The following GFAP variants were observed in gnomAD, a reference collection of about 807,000 sequenced individuals.
The protein encoded by GFAP is glial fibrillary acidic protein.
GFAP carries 38 observed loss-of-function variants against 49.3 expected under a neutral mutation model. That is an observed-to-expected ratio of 0.77 (90% CI 0.60 to 1.01). GFAP has a LOEUF of 1.01. Among genes scored for constraint, GFAP ranks in the 50% least tolerant of loss-of-function variants. The pLI, the probability that GFAP is intolerant of heterozygous loss-of-function variation, is 0.00. For missense variants in GFAP, 463 were observed against 579.1 expected, an observed-to-expected ratio of 0.80 and a Z score of 2.06; for synonymous variants, 222 against 236.4, an observed-to-expected ratio of 0.94 and a Z score of 0.56.
intron 1 of GFAP, chr17:44,914,442 G>A (rs893710464): frequency 2.3e-5 from 7 of 299,958 alleles, no homozygotes; most frequent in South Asian, 1.7e-4. Context: ...TCAGTGAAGC[G>A]CCATGCCCCT....
At position 44,903,273 on chromosome 17, in the gene GFAP, ATAC is replaced by A; in HGVS notation, c.*4071_*4073del. ...GGACATGTAATCAACAAATGATCAA[ATAC>A]TACATCATTTGAGGTGTTGAATTTT... is the stretch of plus-strand genomic sequence containing the variant. On this transcript the variant is annotated 3_prime_UTR_variant, in exon 9 of 9. Coordinates refer to ENST00000588735, the MANE Select transcript of GFAP (RefSeq NM_002055.5). The A allele has an allele frequency of 2.4e-6, 3 of 1,249,128 alleles. No individual in the cohort carries two copies. 77.4% of individuals were successfully genotyped at this position (1,249,128 alleles called of 1,614,324 possible).
At position 44,907,087 on chromosome 17, in the gene GFAP, C is replaced by T. The variant is rs1361186109; in HGVS notation, c.*260G>A. On this transcript the variant is annotated 3_prime_UTR_variant, in exon 9 of 9. Coordinates refer to ENST00000588735, the MANE Select transcript of GFAP (RefSeq NM_002055.5). ...CCTCATTCTAACGCAAGCTGCTGGC[C>T]ATGCCCCTCCAGACTGCCCCTTGGG... The T allele has an allele frequency of 3.5e-6, 2 of 574,096 alleles. No individual in the cohort carries two copies. The highest frequency in any genetic ancestry group is 5.8e-5 in the East Asian group (2 of 34,200). 35.6% of individuals were successfully genotyped at this position (574,096 alleles called of 1,614,324 possible).
chr17:44,913,324 T>A lies in GFAP; in HGVS notation c.725A>T (p.Tyr242Phe). The A allele has an allele frequency of 6.2e-7, 1 of 1,614,202 alleles. No individual in the cohort carries two copies. Among genetic ancestry groups the A allele is most frequent in the Non-Finnish European group, 8.5e-7 (1 of 1,180,016 alleles). ...TAALKEIRTQ[Y>F]EAMASSNMHE... ...CATGTTGCTGGACGCCATTGCCTCA[T>A]ACTGCGTGCGGATCTCTTTCAGGGC... is the stretch of plus-strand genomic sequence containing the variant. Residue 242 changes from tyrosine to phenylalanine, a missense_variant, in exon 4 of 9, where the codon TAT becomes TTT. Coordinates refer to ENST00000588735, the MANE Select transcript of GFAP (RefSeq NM_002055.5).
rs12937256 is a variant in GFAP, at chr17:44,904,131, C to T, written c.*3216G>A. 0.11 allele frequency: 178,039 copies of T among 1,550,342 alleles called. 10,821 individuals carry two copies. Among genetic ancestry groups the T allele is most frequent in the East Asian group, 0.21 (8,771 of 40,902 alleles). On this transcript the variant is annotated 3_prime_UTR_variant, in exon 9 of 9. Transcript: ENST00000588735. ...GTACGTGTGGGCAGCGACATGCTGA[C>T]CCGCTTCAGCATCCGCATGTTCAGC...
rs1421576880 is a variant in GFAP at position 44,911,285 on chromosome 17, C to A, written c.1078G>T (p.Asp360Tyr). The A allele has an allele frequency of 6.2e-7, 1 of 1,614,076 alleles. No individual in the cohort carries two copies. The highest frequency in any genetic ancestry group is 8.5e-7 in the Non-Finnish European group (1 of 1,180,044). ...TTCCTGTAGGTGGCGATCTCGATGT[C>A]CAGGGCCAGCTTGACATTGAGCAGG... is the stretch of plus-strand genomic sequence containing the variant. ...QDLLNVKLAL[D>Y]IEIATYRKLL... The change falls in exon 6 of 9, where the codon GAC becomes TAC. Residue 360 changes from aspartate to tyrosine, a missense_variant. Coordinates refer to ENST00000588735, the MANE Select transcript of GFAP (RefSeq NM_002055.5).
intron 3 of GFAP, 128 bp from the exon 4 acceptor site, chr17:44,913,558 T>C (rs4514714): frequency 9.0e-7 from 1 of 1,113,640 alleles, no homozygotes; most frequent in East Asian, 2.4e-5. Context: ...TCTCTTTCCG[T>C]CTCCCTTAGT....
chr17:44,913,357 AG>A lies in GFAP; in HGVS notation c.691del (p.Leu231SerfsTer5). ...HVELDVAKPD[L>X]TAALKEIRTQ... is the part of the protein sequence containing the mutation. ...GCGGATCTCTTTCAGGGCTGCGGTG[AG>A]GTCTGGCTTGGCCACGTCAAGCTCC... On this transcript the variant is annotated frameshift_variant, in exon 4 of 9. Coordinates refer to ENST00000588735, the MANE Select transcript of GFAP (RefSeq NM_002055.5). LOFTEE classifies it high-confidence loss of function. The A allele has an allele frequency of 6.2e-7, 1 of 1,614,118 alleles. No homozygotes were observed. Among genetic ancestry groups the A allele is most frequent in the Non-Finnish European group, 8.5e-7 (1 of 1,179,996 alleles).
Position 44,908,211 on chromosome 17 carries a change from T to C in GFAP, c.1172-62A>G, listed in dbSNP as rs1264844109. 3.4e-6 allele frequency: 4 copies of C among 1,175,632 alleles called. No individual in the cohort carries two copies. The Admixed American group carries it at 5.1e-5, about 15-fold the overall frequency. 72.8% of individuals were successfully genotyped at this position (1,175,632 alleles called of 1,614,324 possible). A position where few individuals can be genotyped will look rare whatever the true frequency, so the allele number is the denominator to read the frequency against. ...TCAGGGCATGAGCCATCCTCTCCCA[T>C]GCCCGGCTTCCCCATCGCACCCCCC... On this transcript the variant is annotated intron_variant, in intron 7 of 8. Coordinates refer to ENST00000588735, the MANE Select transcript of GFAP (RefSeq NM_002055.5).
chr17:44,903,500 C>A lies in GFAP; in HGVS notation c.*3847G>T. 1.6e-6 allele frequency: 2 copies of A among 1,276,474 alleles called. No individual in the cohort carries two copies. The highest frequency in any genetic ancestry group is 2.0e-6 in the Non-Finnish European group (2 of 1,014,594). 79.1% of individuals were successfully genotyped at this position (1,276,474 alleles called of 1,614,324 possible). ...GGCAGAGATCTCCCTGCCCGAGCAC[C>A]TCGGCCCGCCCTTCTCATTCCGGTT... On this transcript the variant is annotated 3_prime_UTR_variant, in exon 9 of 9. Transcript: ENST00000588735.
At position 44,904,638 on chromosome 17, in the gene GFAP, C is replaced by T. The variant is rs1371474014; in HGVS notation, c.*2709G>A. ...AAAGTGGGCAGCCGGCCCTGGGTGC[C>T]CCAGGTGCCCATTCAGTTCCACCAG... On this transcript the variant is annotated 3_prime_UTR_variant, in exon 9 of 9. Coordinates refer to ENST00000588735, the MANE Select transcript of GFAP (RefSeq NM_002055.5). 1.3e-6 allele frequency: 2 copies of T among 1,550,530 alleles called. No individual in the cohort carries two copies. The highest frequency in any genetic ancestry group is 2.0e-5 in the Admixed American group (1 of 50,998).
Position 44,904,875 on chromosome 17 carries a change from G to A in GFAP, c.*2472C>T. On this transcript the variant is annotated 3_prime_UTR_variant, in exon 9 of 9. Coordinates refer to ENST00000588735, the MANE Select transcript of GFAP (RefSeq NM_002055.5). ...GGCATCTACTATTGCTGGAGGCAGG[G>A]TGTGCTAGTTGCTGGCTTCCGGCTG... 1 of 1,550,650 alleles carries A rather than the reference G, an allele frequency of 6.4e-7. No homozygotes were observed. The highest frequency in any genetic ancestry group is 8.7e-7 in the Non-Finnish European group (1 of 1,146,994).
Position 44,904,797 on chromosome 17 carries a change from T to C in GFAP, c.*2550A>G. 1 of 1,550,646 alleles carries C rather than the reference T, an allele frequency of 6.4e-7. No individual in the cohort carries two copies. Among genetic ancestry groups the C allele is most frequent in the African/African-American group, 1.4e-5 (1 of 73,154 alleles). On this transcript the variant is annotated 3_prime_UTR_variant, in exon 9 of 9. Transcript: ENST00000588735. Reference sequence around the variant, plus strand: ...GGTGTCAACAGGTCCATGAGGGTGTTCATTGACCACGGCAACCAGCTCCAC... The same window carrying C: ...GGTGTCAACAGGTCCATGAGGGTGTCCATTGACCACGGCAACCAGCTCCAC...
rs1383096607 is a variant in GFAP, at chr17:44,904,153, C to T, written c.*3194G>A. The stretch of plus-strand genomic sequence containing the variant: ...TGACCCGCTTCAGCATCCGCATGTT[C>T]AGCTTGTTGGTTTTCAGGGCTCAGT... On this transcript the variant is annotated 3_prime_UTR_variant, in exon 9 of 9. Transcript: ENST00000588735. The T allele has an allele frequency of 1.3e-6, 2 of 1,550,262 alleles. No homozygotes were observed. Among genetic ancestry groups the T allele is most frequent in the South Asian group, 2.4e-5 (2 of 84,016 alleles).
intron 7 of GFAP, 198 bp from the exon 8 acceptor site, chr17:44,908,347 T>C: frequency 1.8e-6 from 1 of 547,652 alleles, no homozygotes; most frequent in South Asian, 2.4e-5. Context: ...GAGTCCTGGC[T>C]GCTCTGTCTT....
In GFAP at chr17:44,915,253, G is replaced by A; in HGVS notation, c.234C>T (p.Asp78=). Residue 78 remains aspartate, a synonymous_variant, in exon 1 of 9, where the codon GAC becomes GAT. Coordinates refer to ENST00000588735, the MANE Select transcript of GFAP (RefSeq NM_002055.5). This position sits in a 1 kb window ranked among gnomAD's most constrained non-coding sequence, Gnocchi z 4.1. ...CCTTCTCGATGTAGCTGGCAAAGCG[G>A]TCATTGAGCTCCATCATCTCTGCCC... The part of the protein sequence containing the change: ...SERAEMMELN[D]RFASYIEKVR... 6.2e-7 allele frequency: 1 copy of A among 1,614,200 alleles called. No homozygotes were observed. Among genetic ancestry groups the A allele is most frequent in the Non-Finnish European group, 8.5e-7 (1 of 1,180,040 alleles).
In GFAP at chr17:44,903,838, G is replaced by A; in HGVS notation, c.*3509C>T. Reference sequence around the variant, plus strand: ...CCCTGCCTCCTTCAGGTATGCACCTGGCCCTCACCACTGTGCTCCTGTGGG... The same window carrying A: ...CCCTGCCTCCTTCAGGTATGCACCTAGCCCTCACCACTGTGCTCCTGTGGG... On this transcript the variant is annotated 3_prime_UTR_variant, in exon 9 of 9. Transcript: ENST00000588735. The A allele has an allele frequency of 6.5e-7, 1 of 1,549,464 alleles. No individual in the cohort carries two copies. Among genetic ancestry groups the A allele is most frequent in the South Asian group, 1.2e-5 (1 of 83,956 alleles).
At chr17:44,908,926 A>AAGG (rs1567771305) in intron 7 of GFAP, 4 of 111,660 alleles carry the variant, frequency 3.6e-5, no homozygotes, top group African/African-American at 1.7e-4. Flanking sequence ...AGGAAGGAAG[A>AAGG]AAGAAAGAAA....
Position 44,904,535 on chromosome 17 carries a change from G to T in GFAP, c.*2812C>A. The T allele has an allele frequency of 6.4e-7, 1 of 1,550,550 alleles. No individual in the cohort carries two copies. On this transcript the variant is annotated 3_prime_UTR_variant, in exon 9 of 9. Transcript: ENST00000588735. ...CAGGGACCACACGCCTGAGGTGCTG[G>T]TTCGGAGCTGCTTAGTACCCTGTGA...
intron 1 of GFAP, 163 bp downstream of exon 1, chr17:44,914,863 G>T: frequency 1.5e-6 from 1 of 651,814 alleles, no homozygotes; most frequent in Non-Finnish European, 2.6e-6. Flanking sequence ...CCTGTTTCTG[G>T]TCCCTCCCAT....
Sources: allele counts gnomAD v4.1 joint callset, GRCh38; gene constraint gnomAD v4.1.1; non-coding constraint Gnocchi (gnomAD v3.1); transcripts MANE v1.5; gene names NCBI Gene and HGNC (gene_info 2026-07-23, HGNC 2026-07-21).